Variants in TSC22D1 observed in about 807,000 individuals in gnomAD.
TSC22D1 encodes the protein TSC22 domain family member 1.
Under a neutral mutation model 74.2 loss-of-function variants are expected in TSC22D1, and 9 were observed. The observed-to-expected ratio is 0.12, with a 90% CI of 0.07 to 0.21. The LOEUF (loss-of-function observed/expected upper bound fraction) is 0.21. TSC22D1 is among the 10% of genes least tolerant of loss of function. The pLI, the probability that TSC22D1 is intolerant of heterozygous loss-of-function variation, is 1.00. For missense variants in TSC22D1, 1,427 were observed against 1,304.7 expected (o/e 1.09, Z -1.44); for synonymous variants, 586 against 492.5 (o/e 1.19, Z -2.51).
At position 44,575,218 on chromosome 13, in the gene TSC22D1, G is replaced by A; in HGVS notation, c.857C>T (p.Pro286Leu). 1 of 1,614,062 alleles carries A rather than the reference G, an allele frequency of 6.2e-7. No homozygotes were observed. Among genetic ancestry groups the A allele is most frequent in the Non-Finnish European group, 8.5e-7 (1 of 1,180,050 alleles). ...ACGCATATTAGTCATTACAGATGCA[G>A]GTGAACCACTGGATGATACAGCAGA... ...PTSAVSSSGS[P>L]ASVMTNMRAP... Residue 286 changes from proline (P) to leucine (L), a missense_variant, in exon 1 of 3, where the codon CCT (proline) becomes CTT (leucine). Transcript: ENST00000458659.
chr13:44,487,822 C>T (rs1294766016), intron 1 of TSC22D1, among the ~76,000 whole-genome samples: 5 of 152,046 alleles, frequency 3.3e-5, no homozygotes, highest in African/African-American at 1.2e-4. Context: ...TTTGGGAGGC[C>T]AAGGCAGGCG....
chr13:44,512,957 T>G (rs1329018320), intron 1 of TSC22D1, among the ~76,000 whole-genome samples: 1 of 152,230 alleles, frequency 6.6e-6, no homozygotes. Flanking sequence ...CTCTTCATTC[T>G]TATCTCTAAA....
At chr13:44,522,882 A>T (rs577796449) in intron 1 of TSC22D1, among the ~76,000 whole-genome samples, 1 of 152,302 alleles carries the variant, frequency 6.6e-6, no homozygotes, top group South Asian at 2.1e-4. Flanking sequence ...AAAAAATGAA[A>T]AGACAAGCCA....
chr13:44,510,102 C>T (rs879716878), intron 1 of TSC22D1, among the ~76,000 whole-genome samples: 1 of 151,576 alleles, frequency 6.6e-6, no homozygotes, highest in African/African-American at 2.4e-5. Context: ...GTTTATACTC[C>T]GCTAGGCACG....
intron 1 of TSC22D1, among the ~76,000 whole-genome samples, chr13:44,566,233 C>T (rs1002332242): frequency 5.3e-5 from 8 of 152,058 alleles, no homozygotes; most frequent in African/African-American, 1.9e-4. Context: ...GAAGTAAAAA[C>T]GGCACTAGAT....
At position 44,517,809 on chromosome 13, in the gene TSC22D1, A is replaced by G. The variant is rs1307277661; in HGVS notation, c.2912+55354T>C. Among the ~76,000 whole-genome samples the G allele has an allele frequency of 6.9e-5, 4 of 57,628 alleles. No individual in the cohort carries two copies. In the Admixed American group the frequency reaches 7.2e-4, roughly 10 times the overall value. 37.8% of individuals were successfully genotyped at this position (57,628 alleles called of 152,430 possible). On this transcript the variant is annotated intron_variant, in intron 1 of 2. Coordinates refer to ENST00000458659, the MANE Select transcript of TSC22D1 (RefSeq NM_183422.4). ...TATATACATATATATACACACATAT[A>G]TATGTGTGTGTGTGTGTGTGTATAT...
At position 44,538,417 on chromosome 13, in the gene TSC22D1, G is replaced by A. The variant is rs1050244596; in HGVS notation, c.2912+34746C>T. ...ATTTACTAGTTACTTTCAGTGTCAGGCAACAAAAAAAACCATTTCATTAAG... is the reference window on the plus strand; with the variant it reads ...ATTTACTAGTTACTTTCAGTGTCAGACAACAAAAAAAACCATTTCATTAAG... On this transcript the variant is annotated intron_variant, in intron 1 of 2. Coordinates refer to ENST00000458659, the MANE Select transcript of TSC22D1 (RefSeq NM_183422.4). The A allele has an allele frequency of 5.1e-6, 5 of 984,950 alleles. No homozygotes were observed. In the African/African-American group the frequency reaches 8.8e-5, roughly 17 times the overall value. 61.0% of individuals were successfully genotyped at this position (984,950 alleles called of 1,614,324 possible). A position where few individuals can be genotyped will look rare whatever the true frequency, so the allele number is the denominator to read the frequency against.
At chr13:44,517,710 T>A (rs1279197010) in intron 1 of TSC22D1, among the ~76,000 whole-genome samples, 1 of 146,070 alleles carries the variant, frequency 6.8e-6, no homozygotes, top group Non-Finnish European at 1.5e-5. Context: ...AGTTTAAGTA[T>A]TTTCCAGCTT....
chr13:44,504,640 T>C (rs998742856), intron 1 of TSC22D1, among the ~76,000 whole-genome samples: 1 of 149,800 alleles, frequency 6.7e-6, no homozygotes, highest in African/African-American at 2.5e-5. Context: ...AGCAAACTGA[T>C]AGAAGTAATT....
At chr13:44,483,832 G>A (rs899973225) in intron 1 of TSC22D1, among the ~76,000 whole-genome samples, 1 of 152,050 alleles carries the variant, frequency 6.6e-6, no homozygotes, top group Non-Finnish European at 1.5e-5. Context: ...TATGCCATTG[G>A]GAAAAATCCA....
At chr13:44,539,821 G>A (rs1215550333) in intron 1 of TSC22D1, 1 of 1,289,236 alleles carries the variant, frequency 7.8e-7, no homozygotes, top group Non-Finnish European at 1.0e-6. Flanking sequence ...GTCTCCAAGG[G>A]TTCAGTGGAG....
chr13:44,449,579 C>G (rs368160306), intron 1 of TSC22D1, among the ~76,000 whole-genome samples: 1 of 152,150 alleles, frequency 6.6e-6, no homozygotes, highest in Non-Finnish European at 1.5e-5. Flanking sequence ...GATTTTTACT[C>G]TAGGTGGTCA....
chr13:44,465,267 A>G (rs987550634), intron 1 of TSC22D1, among the ~76,000 whole-genome samples: 2 of 152,240 alleles, frequency 1.3e-5, no homozygotes, highest in African/African-American at 4.8e-5. Flanking sequence ...CTCCCAGGAA[A>G]AAAAAATGCA....
intron 1 of TSC22D1, among the ~76,000 whole-genome samples, chr13:44,525,795 CAAAA>C (rs59399056): frequency 3.5e-4 from 31 of 88,560 alleles, no homozygotes; most frequent in Admixed American, 6.4e-4. Flanking sequence ...TAGCTTTTAA[CAAAA>C]AAAAAAAAAA....
intron 1 of TSC22D1, among the ~76,000 whole-genome samples, chr13:44,454,514 G>A (rs999498948): frequency 1.3e-5 from 2 of 152,030 alleles, no homozygotes; most frequent in Non-Finnish European, 2.9e-5. Context: ...CACACCAGGG[G>A]CAATTCTTCT....
At chr13:44,452,183 G>A (rs1876194753) in intron 1 of TSC22D1, among the ~76,000 whole-genome samples, 1 of 152,136 alleles carries the variant, frequency 6.6e-6, no homozygotes, top group African/African-American at 2.4e-5. Flanking sequence ...GTAACGAGAA[G>A]TAACTAACAA....
chr13:44,525,428 T>A lies in TSC22D1; in HGVS notation c.2912+47735A>T, dbSNP rs183392980. 8.9e-4 allele frequency among the ~76,000 whole-genome samples: 136 copies of A among 152,010 alleles called. No individual in the cohort carries two copies. In the East Asian group the frequency reaches 0.018, roughly 21 times the overall value. On this transcript the variant is annotated intron_variant, in intron 1 of 2. Coordinates refer to ENST00000458659, the MANE Select transcript of TSC22D1 (RefSeq NM_183422.4). Reference sequence around the variant, plus strand: ...CAGTGAGCCCCCACCTCTACAAAAATCAAAAGATAAATTAGCCAAGCATGG... The same window carrying A: ...CAGTGAGCCCCCACCTCTACAAAAAACAAAAGATAAATTAGCCAAGCATGG...
chr13:44,521,285 A>T (rs1880302512), intron 1 of TSC22D1, among the ~76,000 whole-genome samples: 1 of 151,000 alleles, frequency 6.6e-6, no homozygotes, highest in African/African-American at 2.4e-5. Context: ...TTCCATTGTG[A>T]TGATGTCAAA....
intron 1 of TSC22D1, among the ~76,000 whole-genome samples, chr13:44,511,902 A>G (rs1305094896): frequency 6.6e-6 from 1 of 152,226 alleles, no homozygotes; most frequent in East Asian, 1.9e-4. Flanking sequence ...CTACCCAAGC[A>G]AAGGGCAGAA....
Sources: gnomAD v4.1 joint callset for allele counts (sites outside exome capture counted in the v4.1 genomes callset) on GRCh38, gnomAD v4.1.1 for gene constraint, MANE v1.5 for transcripts, NCBI Gene and HGNC (gene_info 2026-07-23, HGNC 2026-07-21) for gene names.